Variants in ZDHHC17 observed in about 807,000 individuals in gnomAD.
The protein encoded by ZDHHC17 is zDHHC palmitoyltransferase 17.
In ZDHHC17, 40 loss-of-function variants were observed where a neutral mutation model predicts 90.3. The observed-to-expected ratio is 0.44, with a 90% CI of 0.34 to 0.58. ZDHHC17 has a LOEUF of 0.58. Ranked by LOEUF, ZDHHC17 falls within the 20% of genes least tolerant of loss-of-function variation. The pLI is 0.01. For synonymous variants in ZDHHC17, 235 were observed against 252.4 expected (o/e 0.93, Z 0.65); for missense variants, 614 against 780.8 (o/e 0.79, Z 2.55).
At chr12:76,826,007 C>T (rs1455875786) in intron 8 of ZDHHC17, among the ~76,000 whole-genome samples, 1 of 152,022 alleles carries the variant, frequency 6.6e-6, no homozygotes, top group Non-Finnish European at 1.5e-5. Context: ...TTTGTAGAGA[C>T]ATGTTTTTGC....
chr12:76,850,997 C>T lies in ZDHHC17; in HGVS notation c.*12C>T. On this transcript the variant is annotated 3_prime_UTR_variant, in exon 17 of 17. Transcript: ENST00000426126. ...ACCAGCTGGTGTAGCGACATCTTATCCTATGAAGCATATTGCTGAGTGGTG... is the reference window on the plus strand; with the variant it reads ...ACCAGCTGGTGTAGCGACATCTTATTCTATGAAGCATATTGCTGAGTGGTG... 3 of 1,613,640 alleles carry T rather than the reference C, an allele frequency of 1.9e-6. No homozygotes were observed. Among genetic ancestry groups the T allele is most frequent in the Non-Finnish European group, 2.5e-6 (3 of 1,179,780 alleles).
At chr12:76,764,589 C>T in intron 1 of ZDHHC17, 2 of 561,400 alleles carry the variant, frequency 3.6e-6, no homozygotes, top group Non-Finnish European at 3.2e-6. Context: ...GTTGATGGTT[C>T]TGCTGTGTCG....
In ZDHHC17 at chr12:76,809,750, TATG is replaced by T; in HGVS notation, c.437_439del (p.Tyr146_Gly147delinsCys). 6.3e-7 allele frequency: 1 copy of T among 1,586,510 alleles called. No homozygotes were observed. Among genetic ancestry groups the T allele is most frequent in the Non-Finnish European group, 8.6e-7 (1 of 1,168,322 alleles). Reference sequence around the variant, plus strand: ...ATCCATGGTTGTGCAACTAATGAAATATGGTGCAGATCCTTCATTAATTGATGG... The same window carrying T: ...ATCCATGGTTGTGCAACTAATGAAATGTGCAGATCCTTCATTAATTGATGG... On this transcript the variant is annotated inframe_deletion, in exon 5 of 17. Transcript: ENST00000426126.
Position 76,809,332 on chromosome 12 carries a change from CAGTT to C in ZDHHC17, c.398+218_398+221del, listed in dbSNP as rs528940093. ...TTCCCTGGCCATGCTGATATTAATT[CAGTT>C]AGTTATAAGATTGGATTAAACTTTG... is the stretch of plus-strand genomic sequence containing the variant. On this transcript the variant is annotated intron_variant, in intron 4 of 16. Coordinates refer to ENST00000426126, the MANE Select transcript of ZDHHC17 (RefSeq NM_015336.4). Among the ~76,000 whole-genome samples the C allele has an allele frequency of 5.5e-5, 8 of 145,302 alleles. No homozygotes were observed. The East Asian group carries it at 1.2e-3, about 22-fold the overall frequency.
Position 76,848,248 on chromosome 12 carries a change from G to A in ZDHHC17, c.1523G>A (p.Cys508Tyr). 6.2e-7 allele frequency: 1 copy of A among 1,613,914 alleles called. No individual in the cohort carries two copies. The highest frequency in any genetic ancestry group is 8.5e-7 in the Non-Finnish European group (1 of 1,179,838). The change falls in exon 15 of 17, where the codon TGT becomes TAT. Residue 508 changes from cysteine to tyrosine, a missense_variant. Around this residue, in one of 5 missense-constraint regions of ZDHHC17, gnomAD observed 111 missense variants for 179.8 expected, o/e 0.62. Coordinates refer to ENST00000426126, the MANE Select transcript of ZDHHC17 (RefSeq NM_015336.4). Reference sequence around the variant, plus strand: ...CTGGCTTTAGACTGGGGACTCCACTGTGAGACCACTTACACCAAGGATGGA... The same window carrying A: ...CTGGCTTTAGACTGGGGACTCCACTATGAGACCACTTACACCAAGGATGGA... ...YGCISYWGLH[C>Y]ETTYTKDGFW...
At chr12:76,787,044 C>G (rs10219534) in intron 1 of ZDHHC17, among the ~76,000 whole-genome samples, 6 of 152,260 alleles carry the variant, frequency 3.9e-5, no homozygotes, top group Admixed American at 1.3e-4. Context: ...GCACTTGATG[C>G]AAACATTTAA....
intron 7 of ZDHHC17, among the ~76,000 whole-genome samples, chr12:76,816,439 C>G (rs1032720409): frequency 3.9e-5 from 6 of 152,022 alleles, no homozygotes; most frequent in African/African-American, 1.2e-4. Flanking sequence ...TTTTTAAAGC[C>G]TCAGGATCCA....
At chr12:76,772,792 G>A (rs888883915) in intron 1 of ZDHHC17, among the ~76,000 whole-genome samples, 93 of 149,100 alleles carry the variant, frequency 6.2e-4, no homozygotes, top group African/African-American at 2.2e-3. Context: ...TGATCCACCC[G>A]CCTCGGCCTC....
chr12:76,780,176 C>T (rs1034716948), intron 1 of ZDHHC17, among the ~76,000 whole-genome samples: 2 of 152,024 alleles, frequency 1.3e-5, no homozygotes, highest in South Asian at 2.1e-4. Context: ...TGTCTATTGT[C>T]TACTTGCTGG....
chr12:76,820,466 G>C (rs1259412717), intron 7 of ZDHHC17, among the ~76,000 whole-genome samples: 2 of 152,102 alleles, frequency 1.3e-5, no homozygotes, highest in African/African-American at 4.8e-5. Context: ...TAGATGAATT[G>C]AGTTTGGAAG....
At chr12:76,815,556 A>G (rs1953076922) in intron 6 of ZDHHC17, among the ~76,000 whole-genome samples, 1 of 151,880 alleles carries the variant, frequency 6.6e-6, no homozygotes, top group African/African-American at 2.4e-5. Flanking sequence ...TAAATTTTAA[A>G]AAGTGTTATT....
intron 10 of ZDHHC17, among the ~76,000 whole-genome samples, chr12:76,830,581 T>C (rs528184841): frequency 7.6e-4 from 116 of 152,336 alleles, no homozygotes; most frequent in African/African-American, 2.6e-3. Context: ...ATTGGAACAC[T>C]TAGTATGAGT....
intron 8 of ZDHHC17, 60 bp downstream of exon 8, chr12:76,822,591 G>T (rs1462765664): frequency 7.3e-7 from 1 of 1,363,204 alleles, no homozygotes; most frequent in East Asian, 2.6e-5. Flanking sequence ...TTTCGCTCTT[G>T]TTGCCCAGGC....
chr12:76,842,875 G>A, intron 11 of ZDHHC17, 44 bp from the exon 12 acceptor site: 1 of 1,440,442 alleles, frequency 6.9e-7, no homozygotes, highest in Non-Finnish European at 9.6e-7. Context: ...GAGTTGGTGA[G>A]CATTGTTCAG....
intron 5 of ZDHHC17, among the ~76,000 whole-genome samples, chr12:76,811,417 G>A (rs971968513): frequency 6.6e-6 from 1 of 152,064 alleles, no homozygotes; most frequent in African/African-American, 2.4e-5. Flanking sequence ...GAAAGGTGGT[G>A]TACATTTTTG....
At chr12:76,805,605 T>C (rs1013057520) in intron 3 of ZDHHC17, among the ~76,000 whole-genome samples, 166 bp downstream of exon 3, 4 of 152,242 alleles carry the variant, frequency 2.6e-5, no homozygotes, top group South Asian at 2.1e-4. Flanking sequence ...TTTTAACTTA[T>C]ATTGAATGCT....
At chr12:76,820,302 A>G (rs1953148877) in intron 7 of ZDHHC17, among the ~76,000 whole-genome samples, 1 of 152,218 alleles carries the variant, frequency 6.6e-6, no homozygotes, top group Admixed American at 6.5e-5. Context: ...CTTCTTGTAA[A>G]GCAACAACAG....
chr12:76,803,245 C>T (rs1490589899), intron 2 of ZDHHC17, among the ~76,000 whole-genome samples: 1 of 151,668 alleles, frequency 6.6e-6, no homozygotes, highest in East Asian at 1.9e-4. Context: ...AGACTGAGAC[C>T]CTGTCTCAAA....
intron 10 of ZDHHC17, among the ~76,000 whole-genome samples, chr12:76,831,936 G>T (rs1953306675): frequency 6.6e-6 from 1 of 152,228 alleles, no homozygotes; most frequent in South Asian, 2.1e-4. Flanking sequence ...GTGAGCCCAT[G>T]CCTAGCTCAC....
Sources: allele counts gnomAD v4.1 joint callset (sites outside exome capture counted in the v4.1 genomes callset), GRCh38; gene constraint gnomAD v4.1.1; regional missense constraint gnomAD v4.1.1; transcripts MANE v1.5; gene names NCBI Gene and HGNC (gene_info 2026-07-23, HGNC 2026-07-21).